Variants in DNAJC14 observed in about 807,000 individuals in gnomAD.
DNAJC14 encodes DnaJ heat shock protein family (Hsp40) member C14.
Under a neutral mutation model 68.8 loss-of-function variants are expected in DNAJC14, and 12 were observed. The observed-to-expected ratio is 0.17, with a 90% CI of 0.11 to 0.28. DNAJC14 has a LOEUF of 0.28. Among genes scored for constraint, DNAJC14 ranks in the 10% least tolerant of loss-of-function variants. DNAJC14 has a pLI of 1.00. For missense variants in DNAJC14, 764 were observed against 875.6 expected (o/e 0.87, Z 1.61); for synonymous variants, 350 against 321.5 (o/e 1.09, Z -0.95).
chr12:55,827,967 T>G lies in DNAJC14; in HGVS notation c.692A>C (p.Asp231Ala). 1 of 1,612,880 alleles carries G rather than the reference T, an allele frequency of 6.2e-7. No individual in the cohort carries two copies. The highest frequency in any genetic ancestry group is 1.1e-5 in the South Asian group (1 of 90,964). Residue 231 changes from aspartate to alanine, a missense_variant, in exon 2 of 7, where the codon GAT becomes GCT. Coordinates refer to ENST00000678005, the MANE Select transcript of DNAJC14 (RefSeq NM_032364.6). ...HRLGRKRSQA[D>A]KRKGLGLWGA... The stretch of plus-strand genomic sequence containing the variant: ...CCACAATCCCAGGCCTTTGCGCTTA[T>G]CTGCCTGACTTCGTTTCCGACCCAG...
chr12:55,825,291 A>G (rs562415226), intron 2 of DNAJC14, among the ~76,000 whole-genome samples: 2 of 152,232 alleles, frequency 1.3e-5, no homozygotes, highest in South Asian at 4.1e-4. Context: ...CTTTGGTGTC[A>G]TGCAGCCATT....
At position 55,829,587 on chromosome 12, in the gene DNAJC14, T is replaced by C. The variant is rs1299208733; in HGVS notation, c.-155A>G. On this transcript the variant is annotated 5_prime_UTR_variant, in exon 1 of 7. Transcript: ENST00000678005. ...CCGGCTCCGCCTCCCGCTCACGCTC[T>C]GCTTCCGCCTTCCGTCCCCGCGGCC... 1 of 985,428 alleles carries C rather than the reference T, an allele frequency of 1.0e-6. No individual in the cohort carries two copies. The allele number at this position is 985,428 out of a possible 1,614,324, so 61.0% of individuals were successfully genotyped here. A position where few individuals can be genotyped will look rare whatever the true frequency, so the allele number is the denominator to read the frequency against.
intron 2 of DNAJC14, among the ~76,000 whole-genome samples, chr12:55,826,391 CT>C (rs1880795847): frequency 6.6e-6 from 1 of 151,408 alleles, no homozygotes; most frequent in Non-Finnish European, 1.5e-5. Context: ...CCACCTCAGC[CT>C]CCCGAGTAGC....
At position 55,827,401 on chromosome 12, in the gene DNAJC14, G is replaced by A. The variant is rs763243405; in HGVS notation, c.1258C>T (p.Arg420Cys). 8.7e-6 allele frequency: 14 copies of A among 1,613,210 alleles called. 1 individual carries two copies. Among genetic ancestry groups the A allele is most frequent in the African/African-American group, 2.7e-5 (2 of 74,804 alleles). Residue 420 changes from arginine (R) to cysteine (C), a missense_variant, in exon 2 of 7, where the codon CGC (arginine) becomes TGC (cysteine). Coordinates refer to ENST00000678005, the MANE Select transcript of DNAJC14 (RefSeq NM_032364.6). The stretch of plus-strand genomic sequence containing the variant: ...ACTTCCTCTTCAGGCTGGCAGTAGC[G>A]CCCACTAGCTACAGGTGCATTCCCC... The part of the protein sequence containing the change: ...RQGNAPVASG[R>C]YCQPEEEVAR...
chr12:55,830,741 C>T (rs1880961835), upstream of DNAJC14: 1 of 152,656 alleles, frequency 6.6e-6, no homozygotes, highest in Non-Finnish European at 1.5e-5. Flanking sequence ...GAGCAGTAGG[C>T]AACCTGGGTC....
Position 55,821,948 on chromosome 12 carries a change from G to T in DNAJC14, c.*29C>A. ...TGTGCTACAGCCCTTTTGACTCCCT[G>T]ACATTGATTTGAGGAAAGAGAAGGG... On this transcript the variant is annotated 3_prime_UTR_variant, in exon 7 of 7. Transcript: ENST00000678005. 1 of 1,589,638 alleles carries T rather than the reference G, an allele frequency of 6.3e-7. No homozygotes were observed. Among genetic ancestry groups the T allele is most frequent in the African/African-American group, 1.3e-5 (1 of 74,136 alleles).
In DNAJC14 at chr12:55,828,050, C is replaced by G. The variant is rs191708563; in HGVS notation, c.609G>C (p.Thr203=). Residue 203 remains threonine, a synonymous_variant, in exon 2 of 7, where the codon ACG becomes ACC. Coordinates refer to ENST00000678005, the MANE Select transcript of DNAJC14 (RefSeq NM_032364.6). ...PSRRQRHRFP[T]KEDTREGGRR... is the part of the protein sequence containing the mutation. ...GTCCACCCTCCCGAGTATCCTCCTT[C>G]GTTGGAAAGCGGTGCCGCTGTCTCC... 6.2e-7 allele frequency: 1 copy of G among 1,611,892 alleles called. No individual in the cohort carries two copies. The highest frequency in any genetic ancestry group is 8.5e-7 in the Non-Finnish European group (1 of 1,178,906).
upstream of DNAJC14, chr12:55,829,693 G>T: frequency 1.2e-6 from 1 of 836,512 alleles, no homozygotes; most frequent in Non-Finnish European, 1.4e-6. Context: ...TTGGCTGAGA[G>T]GCAAGCCAAT....
At chr12:55,830,599 G>A (rs1378866306), upstream of DNAJC14, 3 of 152,314 alleles carry the variant, frequency 2.0e-5, no homozygotes, top group Non-Finnish European at 4.4e-5. Context: ...GGGGGCGCTG[G>A]GACCCCTATT....
In DNAJC14 at chr12:55,829,506, T is replaced by G; in HGVS notation, c.-74A>C. 1.0e-6 allele frequency: 1 copy of G among 978,428 alleles called. No individual in the cohort carries two copies. Among genetic ancestry groups the G allele is most frequent in the East Asian group, 1.2e-4 (1 of 8,572 alleles). The allele number at this position is 978,428 out of a possible 1,614,324, so 60.6% of individuals were successfully genotyped here. On this transcript the variant is annotated 5_prime_UTR_variant, in exon 1 of 7. Transcript: ENST00000678005. ...GGACGTACCGAAGAACGGCGGTAAC[T>G]CCTCCCCCTCGAGCCGCCCGGCCTG...
At position 55,822,390 on chromosome 12, in the gene DNAJC14, G is replaced by A. The variant is rs180777635; in HGVS notation, c.1881C>T (p.Gly627=). 6.2e-7 allele frequency: 1 copy of A among 1,612,874 alleles called. No individual in the cohort carries two copies. The highest frequency in any genetic ancestry group is 1.3e-5 in the African/African-American group (1 of 75,012). ...CCACCTACCTCTGCCGCCCTCTGGT[G>A]CCTGGAATCCGAGAACCAAATGAGA... ...YHISFGSRIP[G]TRGRQRATPD... is the part of the protein sequence containing the mutation. Residue 627 remains glycine, a synonymous_variant, in exon 6 of 7, where the codon GGC becomes GGT. Coordinates refer to ENST00000678005, the MANE Select transcript of DNAJC14 (RefSeq NM_032364.6).
In DNAJC14 at chr12:55,828,720, A is replaced by G. The variant is rs928668890; in HGVS notation, c.-56-6T>C. On this transcript the variant is annotated splice_polypyrimidine_tract_variant and splice_region_variant and intron_variant, in intron 1 of 6. Transcript: ENST00000678005. The stretch of plus-strand genomic sequence containing the variant: ...ATCATGGTGTGTTCTGATGCCTGTA[A>G]CAGATATCAAGGTGGAGACAGTCAA... The G allele has an allele frequency of 6.6e-7, 1 of 1,522,828 alleles. No individual in the cohort carries two copies. Among genetic ancestry groups the G allele is most frequent in the Non-Finnish European group, 8.8e-7 (1 of 1,133,896 alleles). The allele number at this position is 1,522,828 out of a possible 1,614,324, so 94.3% of individuals were successfully genotyped here.
chr12:55,823,234 G>T (rs377156776), intron 3 of DNAJC14, 45 bp from the exon 4 acceptor site: 129 of 1,612,870 alleles, frequency 8.0e-5, no homozygotes, highest in Non-Finnish European at 1.1e-4. Context: ...TTGAGGGAGG[G>T]ACAAAGGAAG....
chr12:55,821,820 G>T lies in DNAJC14; in HGVS notation c.*157C>A. The T allele has an allele frequency of 1.3e-6, 1 of 744,728 alleles. No homozygotes were observed. Among genetic ancestry groups the T allele is most frequent in the Non-Finnish European group, 2.0e-6 (1 of 490,764 alleles). The allele number at this position is 744,728 out of a possible 1,614,324, so 46.1% of individuals were successfully genotyped here. ...TGCAGTAAGCTGAGATCACACCACT[G>T]CACTCCAGCTGGGCAACAGAGCAAG... On this transcript the variant is annotated 3_prime_UTR_variant, in exon 7 of 7. Transcript: ENST00000678005.
At position 55,827,661 on chromosome 12, in the gene DNAJC14, A is replaced by G. The variant is rs944863242; in HGVS notation, c.998T>C (p.Leu333Pro). The G allele has an allele frequency of 1.9e-6, 3 of 1,613,608 alleles. No homozygotes were observed. Among genetic ancestry groups the G allele is most frequent in the Admixed American group, 1.7e-5 (1 of 59,924 alleles). ...AAAGCCCAAAAAGAGGGCCAGAGCCAGGAGCAGCAAAGCACCCAGCAGCTT... is the reference window on the plus strand; with the variant it reads ...AAAGCCCAAAAAGAGGGCCAGAGCCGGGAGCAGCAAAGCACCCAGCAGCTT... ...FLKLLGALLL[L>P]ALALFLGFLQ... Residue 333 changes from leucine to proline, a missense_variant, in exon 2 of 7, where the codon CTG becomes CCG. By Grantham distance (98) the Leu-to-Pro change is moderately conservative. Coordinates refer to ENST00000678005, the MANE Select transcript of DNAJC14 (RefSeq NM_032364.6).
intron 2 of DNAJC14, among the ~76,000 whole-genome samples, 193 bp from the exon 3 acceptor site, chr12:55,823,701 CTTTTTTTT>C (rs57733478): frequency 3.9e-5 from 5 of 129,840 alleles, no homozygotes; most frequent in Admixed American, 7.9e-5. Flanking sequence ...CCTTGAATAT[CTTTTTTTT>C]TTTTTTTTTT....
At chr12:55,824,977 A>G (rs1224103640) in intron 2 of DNAJC14, among the ~76,000 whole-genome samples, 1 of 151,882 alleles carries the variant, frequency 6.6e-6, no homozygotes, top group Non-Finnish European at 1.5e-5. Context: ...CTAAAAATAC[A>G]AAAAATTAGC....
rs1288231787 is a variant in DNAJC14, at chr12:55,828,167, T to C, written c.492A>G (p.Glu164=). ...CHHCTSPALG[E]DELEEEYDDE... ...CATCATATTCCTCTTCCAACTCATC[T>C]TCCCCCAAAGCTGGAGAGGTACAGT... Residue 164 remains glutamate, a synonymous_variant, in exon 2 of 7, where the codon GAA becomes GAG. Coordinates refer to ENST00000678005, the MANE Select transcript of DNAJC14 (RefSeq NM_032364.6). 4 of 1,612,748 alleles carry C rather than the reference T, an allele frequency of 2.5e-6. No individual in the cohort carries two copies.
intron 4 of DNAJC14, 33 bp downstream of exon 4, chr12:55,823,037 T>G: frequency 6.2e-7 from 1 of 1,611,576 alleles, no homozygotes; most frequent in Non-Finnish European, 8.5e-7. Context: ...CCCTGAGCTG[T>G]GATTGTCCCA....
Sources: allele counts gnomAD v4.1 joint callset (sites outside exome capture counted in the v4.1 genomes callset), GRCh38; gene constraint gnomAD v4.1.1; transcripts MANE v1.5; gene names NCBI Gene and HGNC (gene_info 2026-07-23, HGNC 2026-07-21).